Variants in LRCH2 observed in about 807,000 individuals in gnomAD.
LRCH2 encodes leucine-rich repeat and calponin homology domain-containing protein 2.
Under a neutral mutation model 68.9 loss-of-function variants are expected in LRCH2, and 38 were observed. That is an observed-to-expected ratio of 0.55 (90% CI 0.43 to 0.72). The LOEUF (loss-of-function observed/expected upper bound fraction) is 0.72, where lower values mean the gene tolerates loss of function less well. Among genes scored for constraint, LRCH2 ranks in the 30% least tolerant of loss-of-function variants. The pLI is 0.00. For synonymous variants in LRCH2, 191 were observed against 208.1 expected, an observed-to-expected ratio of 0.92 and a Z score of 0.71; for missense variants, 528 against 572.9, an observed-to-expected ratio of 0.92 and a Z score of 0.80.
intron 11 of LRCH2, 141 bp downstream of exon 11, chrX:115,163,535 A>G (rs782036986): frequency 2.6e-6 from 1 of 390,780 alleles, no homozygotes; most frequent in African/African-American, 2.5e-5. Context: ...AGGAATACTC[A>G]ATCTGTAGTT....
chrX:115,205,671 G>A (rs1200394858), intron 1 of LRCH2, among the ~76,000 whole-genome samples: 1 of 111,967 alleles, frequency 8.9e-6, no homozygotes, highest in Non-Finnish European at 1.9e-5. Context: ...GGGCATGGTG[G>A]CTCACGCCTG....
Position 115,184,468 on chromosome X carries a change from A to G in LRCH2, c.564T>C (p.Asn188=), listed in dbSNP as rs2072716820. The G allele has an allele frequency of 8.4e-7, 1 of 1,187,959 alleles. No individual in the cohort carries two copies. The highest frequency in any genetic ancestry group is 2.3e-5 in the Admixed American group (1 of 43,623). ...DLPLKVLVVS[N]NKLVSIPEEI... ...CTTCTGGAATGGATACCAGTTTATT[A>G]TTACTGACGACCAAAACTTTAAGGG... The change falls in exon 3 of 21, where the codon AAT becomes AAC. Residue 188 remains asparagine, a synonymous_variant. Transcript: ENST00000317135.
rs148140849 is a variant in LRCH2, at chrX:115,222,006, T to G, written c.349+11687A>C. Among the ~76,000 whole-genome samples, 1,096 of 110,558 alleles carry G rather than the reference T, an allele frequency of 9.9e-3. 6 individuals are homozygous for G. Among genetic ancestry groups the G allele is most frequent in the Non-Finnish European group, 0.012 (628 of 52,899 alleles). On this transcript the variant is annotated intron_variant, in intron 1 of 20. Coordinates refer to ENST00000317135, the MANE Select transcript of LRCH2 (RefSeq NM_020871.4). ...GATACTTTCAACGAGCAGCACATAT[T>G]ATAGTTTGATAGGCTGGAATGTAGA...
rs782782096 is a variant in LRCH2 at position 115,190,747 on chromosome X, G to A, written c.350-2377C>T. The A allele has an allele frequency of 7.3e-5, 84 of 1,143,196 alleles. 1 individual carries two copies. In the Middle Eastern group the frequency reaches 3.3e-3, roughly 45 times the overall value. 94.2% of individuals were successfully genotyped at this position (1,143,196 alleles called of 1,213,427 possible). On this transcript the variant is annotated intron_variant, in intron 1 of 20. Coordinates refer to ENST00000317135, the MANE Select transcript of LRCH2 (RefSeq NM_020871.4). ...AGGCCGCTCACACGAGGCCCGCAGC[G>A]GGGGCCGCTCCACTGATGCCCACAG...
rs375064723 is a variant in LRCH2 at position 115,192,415 on chromosome X, G to A, written c.350-4045C>T. The A allele has an allele frequency of 2.0e-5, 23 of 1,165,487 alleles. No homozygotes were observed. The highest frequency in any genetic ancestry group is 2.4e-5 in the Non-Finnish European group (21 of 871,621). On this transcript the variant is annotated intron_variant, in intron 1 of 20. Coordinates refer to ENST00000317135, the MANE Select transcript of LRCH2 (RefSeq NM_020871.4). The stretch of plus-strand genomic sequence containing the variant: ...CGAGGAGTACCAGGGCAGCTTGCCT[G>A]ACGCCTACAGCGGCGACCACGACAG...
rs2072043379 is a variant in LRCH2 at position 115,111,560 on chromosome X, A to C, written c.*1656T>G. ...GATTATGTCAGCGAGTTTTTTTTTT[A>C]TCCAACTAAAAAATTAACAACTAAT... On this transcript the variant is annotated 3_prime_UTR_variant, in exon 21 of 21. Transcript: ENST00000317135. The C allele has an allele frequency of 9.1e-6, 1 of 109,806 alleles. No homozygotes were observed. The highest frequency in any genetic ancestry group is 1.9e-5 in the Non-Finnish European group (1 of 52,577). 9.0% of individuals were successfully genotyped at this position (109,806 alleles called of 1,213,427 possible).
chrX:115,154,214 TA>T (rs782566100), intron 12 of LRCH2, among the ~76,000 whole-genome samples: 98 of 111,481 alleles, frequency 8.8e-4, no homozygotes, highest in African/African-American at 3.1e-3. Context: ...AATACAATCC[TA>T]AACATTTATA....
chrX:115,182,831 C>CAAAA (rs1164477909), intron 3 of LRCH2, among the ~76,000 whole-genome samples: 1 of 26,259 alleles, frequency 3.8e-5, no homozygotes, highest in African/African-American at 1.3e-4. Flanking sequence ...AACTTCGTCT[C>CAAAA]AAAAAAAAAA....
At position 115,234,080 on chromosome X, in the gene LRCH2, G is replaced by A; in HGVS notation, c.-39C>T. 1 of 1,150,778 alleles carries A rather than the reference G, an allele frequency of 8.7e-7. No homozygotes were observed. The highest frequency in any genetic ancestry group is 1.2e-6 in the Non-Finnish European group (1 of 863,469). 94.8% of individuals were successfully genotyped at this position (1,150,778 alleles called of 1,213,427 possible). A position where few individuals can be genotyped will look rare whatever the true frequency, so the allele number is the denominator to read the frequency against. ...AGAATAGCCCCCGACAATACTGTCA[G>A]CCTGTGCCGCGAGTGTAAGGGGTTC... On this transcript the variant is annotated 5_prime_UTR_variant, in exon 1 of 21. Coordinates refer to ENST00000317135, the MANE Select transcript of LRCH2 (RefSeq NM_020871.4).
intron 1 of LRCH2, among the ~76,000 whole-genome samples, chrX:115,212,737 G>A (rs782397413): frequency 3.7e-5 from 4 of 109,447 alleles, no homozygotes; most frequent in Non-Finnish European, 7.6e-5. Context: ...TTGGGAGGCC[G>A]AGGAGGGTGG....
Position 115,184,519 on chromosome X carries a change from T to C in LRCH2, c.513A>G (p.Thr171=), listed in dbSNP as rs1556553734. 18 of 1,174,299 alleles carry C rather than the reference T, an allele frequency of 1.5e-5. No individual in the cohort carries two copies. The highest frequency in any genetic ancestry group is 2.1e-5 in the South Asian group (1 of 48,779). The change falls in exon 3 of 21, where the codon ACA becomes ACG. Residue 171 remains threonine (T), a synonymous_variant. Coordinates refer to ENST00000317135, the MANE Select transcript of LRCH2 (RefSeq NM_020871.4). ...GAAGATCAAATAGGTATTTTGGCAA[T>C]GTTGATAAAAGATTTCGGCTGAAAA... ...YLNISRNLLS[T]LPKYLFDLPL... is the part of the protein sequence containing the mutation.
chrX:115,227,216 G>A (rs1466676165), intron 1 of LRCH2, among the ~76,000 whole-genome samples: 1 of 108,558 alleles, frequency 9.2e-6, no homozygotes, highest in African/African-American at 3.4e-5. Context: ...TTGAGCCCCC[G>A]AGTTAGAGCC....
chrX:115,192,270 CGGA>C (rs1569516102), intron 1 of LRCH2: 1 of 1,161,827 alleles, frequency 8.6e-7, no homozygotes, highest in South Asian at 1.9e-5. Flanking sequence ...GCCACCGCTA[CGGA>C]GGAGGAGGCC....
chrX:115,160,908 T>C (rs782322532), intron 11 of LRCH2, among the ~76,000 whole-genome samples: 2 of 112,049 alleles, frequency 1.8e-5, no homozygotes, highest in African/African-American at 3.2e-5. Context: ...ATCTAAGCAA[T>C]AGTAACATAT....
intron 1 of LRCH2, among the ~76,000 whole-genome samples, chrX:115,197,857 A>T (rs371390548): frequency 7.9e-4 from 37 of 46,856 alleles, no homozygotes; most frequent in South Asian, 1.5e-3. Flanking sequence ...TCACACACAC[A>T]CACACACACA....
chrX:115,114,747 A>C (rs1434633988), intron 20 of LRCH2, among the ~76,000 whole-genome samples: 2 of 110,790 alleles, frequency 1.8e-5, no homozygotes, highest in African/African-American at 6.5e-5. Flanking sequence ...AAGTTAGATG[A>C]AATGGATGAA....
intron 12 of LRCH2, among the ~76,000 whole-genome samples, chrX:115,151,622 T>G (rs1556538358): frequency 9.0e-6 from 1 of 111,407 alleles, no homozygotes; most frequent in East Asian, 2.8e-4. Context: ...ACATAAAATG[T>G]AAAAACTAGA....
At chrX:115,121,391 C>T (rs1603019836) in intron 20 of LRCH2, among the ~76,000 whole-genome samples, 1 of 111,465 alleles carries the variant, frequency 9.0e-6, no homozygotes, top group African/African-American at 3.3e-5. Flanking sequence ...GTGGCTTGTG[C>T]CTGTAATCCC....
intron 11 of LRCH2, among the ~76,000 whole-genome samples, chrX:115,161,839 AC>A (rs1454577725): frequency 9.0e-6 from 1 of 111,430 alleles, no homozygotes; most frequent in Non-Finnish European, 1.9e-5. Context: ...AAATGGAAAT[AC>A]AGAAATATCG....
Sources: gnomAD v4.1 joint callset for allele counts (sites outside exome capture counted in the v4.1 genomes callset) on GRCh38, gnomAD v4.1.1 for gene constraint, MANE v1.5 for transcripts, NCBI Gene and HGNC (gene_info 2026-07-23, HGNC 2026-07-21) for gene names.